The following SPEF2 variants were observed in gnomAD, a reference collection of about 807,000 sequenced individuals.
SPEF2 encodes sperm flagellar and cilia associated 2, also known as sperm flagella and cilia-associated protein 2.
SPEF2 carries 187 observed loss-of-function variants against 224.6 expected under a neutral mutation model. The observed-to-expected ratio is 0.83, with a 90% CI of 0.74 to 0.94. SPEF2 has a LOEUF of 0.94. SPEF2 is among the 40% of genes least tolerant of loss of function. The pLI is 0.00. For missense variants in SPEF2, 2,170 were observed against 2,135.6 expected, an observed-to-expected ratio of 1.02 and a Z score of -0.32; for synonymous variants, 715 against 707.3, an observed-to-expected ratio of 1.01 and a Z score of -0.17.
chr5:35,710,378 C>T, intron 19 of SPEF2: 1 of 528,928 alleles, frequency 1.9e-6, no homozygotes, highest in Non-Finnish European at 2.2e-6. Context: ...GCCAACAGGG[C>T]AAAACCCATC....
intron 29 of SPEF2, among the ~76,000 whole-genome samples, chr5:35,776,824 A>T (rs1753672495): frequency 6.6e-6 from 1 of 152,226 alleles, no homozygotes; most frequent in East Asian, 1.9e-4. Context: ...AGCTAGACTG[A>T]TTCTCTTGTA....
chr5:35,774,803 CT>C (rs1753379024), intron 28 of SPEF2, among the ~76,000 whole-genome samples: 1 of 152,150 alleles, frequency 6.6e-6, no homozygotes, highest in Admixed American at 6.6e-5. Flanking sequence ...TTTCTCTCCC[CT>C]GTCCTTCCCA....
chr5:35,732,301 G>A (rs1205162755), intron 21 of SPEF2, among the ~76,000 whole-genome samples: 1 of 152,166 alleles, frequency 6.6e-6, no homozygotes, highest in Non-Finnish European at 1.5e-5. Flanking sequence ...TTCTTAGGAG[G>A]CAACTCTTCA....
intron 1 of SPEF2, among the ~76,000 whole-genome samples, chr5:35,624,407 C>T (rs986817842): frequency 6.6e-6 from 1 of 152,150 alleles, no homozygotes; most frequent in Non-Finnish European, 1.5e-5. Context: ...CTGGAGTCAA[C>T]CTGCCTCTTT....
chr5:35,711,632 C>T (rs1252254557), intron 19 of SPEF2, among the ~76,000 whole-genome samples: 7 of 146,280 alleles, frequency 4.8e-5, no homozygotes, highest in African/African-American at 1.0e-4. Context: ...CTCCCTCCCT[C>T]GCTATCATCC....
At chr5:35,651,247 G>A (rs1748147424) in intron 6 of SPEF2, among the ~76,000 whole-genome samples, 1 of 152,218 alleles carries the variant, frequency 6.6e-6, no homozygotes, top group African/African-American at 2.4e-5. Context: ...TGGACACACT[G>A]TTTCCCTGCA....
At chr5:35,757,125 TA>T (rs1750578212) in intron 24 of SPEF2, among the ~76,000 whole-genome samples, 1 of 143,874 alleles carries the variant, frequency 7.0e-6, no homozygotes. Context: ...AAATATCGTT[TA>T]CTAGTTATAA....
Position 35,739,892 on chromosome 5 carries a change from C to A in SPEF2, c.3064-27C>A, listed in dbSNP as rs774904187. The A allele has an allele frequency of 1.9e-6, 3 of 1,607,006 alleles. No individual in the cohort carries two copies. In the South Asian group the frequency reaches 3.4e-5, roughly 18 times the overall value. Reference sequence around the variant, plus strand: ...CAGAAGAACTTTCATTTTGAAGTAACAGTTTCTACACTTTACCATTTAACA... The same window carrying A: ...CAGAAGAACTTTCATTTTGAAGTAAAAGTTTCTACACTTTACCATTTAACA... On this transcript the variant is annotated intron_variant, in intron 21 of 36. Transcript: ENST00000356031.
intron 33 of SPEF2, 46 bp from the exon 34 acceptor site, chr5:35,799,922 T>A (rs1171074770): frequency 6.2e-7 from 1 of 1,603,550 alleles, no homozygotes; most frequent in Non-Finnish European, 8.5e-7. Flanking sequence ...AACTACTGAC[T>A]ATGAGAGTGC....
intron 19 of SPEF2, among the ~76,000 whole-genome samples, chr5:35,711,555 A>G (rs1023829530): frequency 1.3e-5 from 2 of 151,912 alleles, no homozygotes; most frequent in Middle Eastern, 3.4e-3. Context: ...CTATACTTCT[A>G]TTTAGGTTTT....
At position 35,646,652 on chromosome 5, in the gene SPEF2, A is replaced by T; in HGVS notation, c.586-15A>T. 1 of 1,611,878 alleles carries T rather than the reference A, an allele frequency of 6.2e-7. No individual in the cohort carries two copies. The highest frequency in any genetic ancestry group is 1.1e-5 in the South Asian group (1 of 90,728). ...TTATTCTGAATCACTAAACTAATGTATATGGGATATTCAGCAATACTTAAA... is the reference window on the plus strand; with the variant it reads ...TTATTCTGAATCACTAAACTAATGTTTATGGGATATTCAGCAATACTTAAA... On this transcript the variant is annotated splice_polypyrimidine_tract_variant and intron_variant, in intron 4 of 36. Transcript: ENST00000356031.
At chr5:35,677,365 A>T (rs1042403179) in intron 10 of SPEF2, among the ~76,000 whole-genome samples, 3 of 152,182 alleles carry the variant, frequency 2.0e-5, no homozygotes, top group Non-Finnish European at 4.4e-5. Flanking sequence ...TTGGGGAATG[A>T]CATTTACTGT....
At chr5:35,628,114 GA>G (rs1339868416) in intron 1 of SPEF2, among the ~76,000 whole-genome samples, 3 of 152,094 alleles carry the variant, frequency 2.0e-5, no homozygotes, top group Non-Finnish European at 4.4e-5. Context: ...TAAAGTATTA[GA>G]GTATGATTTT....
intron 5 of SPEF2, 72 bp from the exon 6 acceptor site, chr5:35,649,289 G>T: frequency 7.9e-7 from 1 of 1,267,460 alleles, no homozygotes; most frequent in South Asian, 1.4e-5. Flanking sequence ...TTATAAACTT[G>T]AATGAATGTG....
chr5:35,622,176 T>A (rs1743611855), intron 1 of SPEF2, among the ~76,000 whole-genome samples: 1 of 152,216 alleles, frequency 6.6e-6, no homozygotes, highest in African/African-American at 2.4e-5. Flanking sequence ...TGGGTTTCCA[T>A]AAATGATTAA....
At chr5:35,660,447 A>G (rs1413366094) in intron 8 of SPEF2, among the ~76,000 whole-genome samples, 1 of 152,232 alleles carries the variant, frequency 6.6e-6, no homozygotes, top group Non-Finnish European at 1.5e-5. Context: ...TTTTGCCAAA[A>G]TTATGCAATT....
chr5:35,787,877 T>C, intron 30 of SPEF2: 1 of 578,256 alleles, frequency 1.7e-6, no homozygotes, highest in Non-Finnish European at 3.1e-6. Context: ...CAGGAATCCT[T>C]CGGATGGTGT....
At chr5:35,636,819 A>T (rs1417292992) in intron 2 of SPEF2, among the ~76,000 whole-genome samples, 1 of 151,926 alleles carries the variant, frequency 6.6e-6, no homozygotes, top group Non-Finnish European at 1.5e-5. Flanking sequence ...TGCTAAAAAT[A>T]CAAAAAATTA....
intron 23 of SPEF2, among the ~76,000 whole-genome samples, chr5:35,745,062 GAT>G (rs1748266534): frequency 1.3e-5 from 2 of 152,210 alleles, no homozygotes; most frequent in South Asian, 4.1e-4. Context: ...GTTTCTAACT[GAT>G]ATATTCTAAC....
Sources: gnomAD v4.1 joint callset for allele counts (sites outside exome capture counted in the v4.1 genomes callset) on GRCh38, gnomAD v4.1.1 for gene constraint, MANE v1.5 for transcripts, NCBI Gene and HGNC (gene_info 2026-07-23, HGNC 2026-07-21) for gene names.